The following COL18A1 variants were observed in gnomAD, a reference collection of about 807,000 sequenced individuals.
COL18A1 encodes collagen alpha-1(XVIII) chain.
COL18A1 carries 133 observed loss-of-function variants against 168.0 expected under a neutral mutation model. The observed-to-expected ratio is 0.79, with a 90% CI of 0.69 to 0.91. The LOEUF (loss-of-function observed/expected upper bound fraction) is 0.91, where lower values mean the gene tolerates loss of function less well. Among genes scored for constraint, COL18A1 ranks in the 40% least tolerant of loss-of-function variants. COL18A1 has a pLI of 0.00. For synonymous variants in COL18A1, 949 were observed against 809.0 expected (o/e 1.17, Z -2.94); for missense variants, 2,126 against 1,925.4 (o/e 1.10, Z -1.95).
Position 45,478,368 on chromosome 21 carries a change from C to T in COL18A1, c.1248+15C>T. 1 of 1,614,174 alleles carries T rather than the reference C, an allele frequency of 6.2e-7. No homozygotes were observed. The highest frequency in any genetic ancestry group is 8.5e-7 in the Non-Finnish European group (1 of 1,180,030). Reference sequence around the variant, plus strand: ...ACGGAAAGCCGGTGAGTCTGCTTTTCTTTCTGACCCCTGTGTTATCTGTGA... The same window carrying T: ...ACGGAAAGCCGGTGAGTCTGCTTTTTTTTCTGACCCCTGTGTTATCTGTGA... On this transcript the variant is annotated intron_variant, in intron 9 of 41. Coordinates refer to ENST00000651438, the MANE Select transcript of COL18A1 (RefSeq NM_001379500.1).
In COL18A1 at chr21:45,511,172, C is replaced by T. The variant is rs552849724; in HGVS notation, c.3755C>T (p.Pro1252Leu). The stretch of plus-strand genomic sequence containing the variant: ...TCAGGCTCTGAGGGTCCGCTGAAGC[C>T]CGGGGCACGCATCTTCTCCTTTGAC... Reference protein sequence around the residue: ...LFSGSEGPLKPGARIFSFDGK... With the variant: ...LFSGSEGPLKLGARIFSFDGK... The change falls in exon 41 of 42, where the codon CCC becomes CTC. Residue 1252 changes from proline (P) to leucine (L), a missense_variant. Physicochemically the swap from Pro to Leu is moderately conservative, Grantham distance 98. Transcript: ENST00000651438. 65 of 1,601,788 alleles carry T rather than the reference C, an allele frequency of 4.1e-5. 1 individual carries two copies. In the East Asian group the frequency reaches 1.2e-3, roughly 31 times the overall value.
chr21:45,492,978 T>C (rs2036406375), intron 24 of COL18A1, among the ~76,000 whole-genome samples, 185 bp from the exon 25 acceptor site: 1 of 151,422 alleles, frequency 6.6e-6, no homozygotes, highest in Non-Finnish European at 1.5e-5. Flanking sequence ...GGCCGGGAGG[T>C]GTCCTGGTGG....
chr21:45,470,859 C>T (rs1309356788), intron 3 of COL18A1, among the ~76,000 whole-genome samples: 3 of 152,062 alleles, frequency 2.0e-5, no homozygotes. Context: ...CCAGTGAAAC[C>T]TTGGAAGGTC....
At chr21:45,490,900 G>A in intron 21 of COL18A1, 29 bp downstream of exon 21, 2 of 1,545,946 alleles carry the variant, frequency 1.3e-6, no homozygotes, top group Non-Finnish European at 1.7e-6. Flanking sequence ...GGTGGATGGG[G>A]ATGGGGGGCG....
At chr21:45,409,931 G>A (rs1477231296) in intron 2 of COL18A1, 3 of 152,276 alleles carry the variant, frequency 2.0e-5, no homozygotes, top group Non-Finnish European at 4.4e-5. Flanking sequence ...CACAGAGAGT[G>A]AGGGAGCGGT....
chr21:45,511,090 TACACAC>T lies in COL18A1; in HGVS notation c.3694-20_3694-15del. ...CACACCCCCACACACCACACACACA[TACACAC>T]GGTTTCTCTTCCAGGACGAGCTGCT... is the stretch of plus-strand genomic sequence containing the variant. On this transcript the variant is annotated splice_polypyrimidine_tract_variant and intron_variant, in intron 40 of 41. Transcript: ENST00000651438. 1 of 1,171,658 alleles carries T rather than the reference TACACAC, an allele frequency of 8.5e-7. No homozygotes were observed. Among genetic ancestry groups the T allele is most frequent in the Non-Finnish European group, 1.2e-6 (1 of 822,852 alleles). 72.6% of individuals were successfully genotyped at this position (1,171,658 alleles called of 1,614,324 possible). A position where few individuals can be genotyped will look rare whatever the true frequency, so the allele number is the denominator to read the frequency against.
In COL18A1 at chr21:45,484,118, A is replaced by G. The variant is rs1411495418; in HGVS notation, c.1701+1297A>G. 2.9e-5 allele frequency among the ~76,000 whole-genome samples: 4 copies of G among 135,716 alleles called. 1 individual carries two copies. Among genetic ancestry groups the G allele is most frequent in the African/African-American group, 2.9e-5 (1 of 34,064 alleles). 89.0% of individuals were successfully genotyped at this position (135,716 alleles called of 152,430 possible). On this transcript the variant is annotated intron_variant, in intron 15 of 41. Coordinates refer to ENST00000651438, the MANE Select transcript of COL18A1 (RefSeq NM_001379500.1). Reference sequence around the variant, plus strand: ...ACCTCTCCAGCATATGTGCACACGCACACACACCTCTCCAGCGTATGTACA... The same window carrying G: ...ACCTCTCCAGCATATGTGCACACGCGCACACACCTCTCCAGCGTATGTACA...
At chr21:45,406,000 C>A (rs1327253712) in intron 2 of COL18A1, among the ~76,000 whole-genome samples, 1 of 152,082 alleles carries the variant, frequency 6.6e-6, no homozygotes, top group Non-Finnish European at 1.5e-5. Context: ...TGTCGGGTTG[C>A]GCGGTCCCCT....
Position 45,490,316 on chromosome 21 carries a change from C to T in COL18A1, c.2001C>T (p.Leu667=), listed in dbSNP as rs1304073582. ...ATGGAGTCCCCGGGTTCCCCGGCCTCCCTGGCAGAGAGGGCATTGCTGGGC... is the reference window on the plus strand; with the variant it reads ...ATGGAGTCCCCGGGTTCCCCGGCCTTCCTGGCAGAGAGGGCATTGCTGGGC... ...GADGVPGFPG[L]PGREGIAGPQ... is the part of the protein sequence containing the mutation. The change falls in exon 20 of 42, where the codon CTC becomes CTT. Residue 667 remains leucine (L), a synonymous_variant. Coordinates refer to ENST00000651438, the MANE Select transcript of COL18A1 (RefSeq NM_001379500.1). 1 of 1,588,644 alleles carries T rather than the reference C, an allele frequency of 6.3e-7. No individual in the cohort carries two copies. Among genetic ancestry groups the T allele is most frequent in the Admixed American group, 1.8e-5 (1 of 56,222 alleles).
chr21:45,477,500 C>G lies in COL18A1; in HGVS notation c.1005+13C>G, dbSNP rs547187467. 2 of 1,599,412 alleles carry G rather than the reference C, an allele frequency of 1.3e-6. No homozygotes were observed. Among genetic ancestry groups the G allele is most frequent in the East Asian group, 4.5e-5 (2 of 44,042 alleles). Reference sequence around the variant, plus strand: ...CCGCGTGAAAGAGGTAAGGCCACCTCCCTGTGCTCCTGAACCATTCTGAAC... The same window carrying G: ...CCGCGTGAAAGAGGTAAGGCCACCTGCCTGTGCTCCTGAACCATTCTGAAC... On this transcript the variant is annotated intron_variant, in intron 7 of 41. Transcript: ENST00000651438.
chr21:45,462,673 G>C lies in COL18A1; in HGVS notation c.107-5569G>C, dbSNP rs112321707. 3.7e-3 allele frequency among the ~76,000 whole-genome samples: 567 copies of C among 152,222 alleles called. 1 individual carries two copies. The highest frequency in any genetic ancestry group is 0.013 in the African/African-American group (550 of 41,534). ...TTCTTGACTTTCTCCACACCTTCCT[G>C]TAGTTCTTTGAGCATCTTTAAGACA... is the stretch of plus-strand genomic sequence containing the variant. On this transcript the variant is annotated intron_variant, in intron 2 of 41. Transcript: ENST00000651438.
chr21:45,455,403 G>C (rs933723179), intron 2 of COL18A1: 3 of 1,323,482 alleles, frequency 2.3e-6, no homozygotes, highest in Non-Finnish European at 3.2e-6. Context: ...AAGAGTGGGG[G>C]GTGGAAGACA....
rs2036588007 is a variant in COL18A1 at position 45,497,644 on chromosome 21, G to C, written c.2666G>C (p.Gly889Ala). 1.9e-6 allele frequency: 3 copies of C among 1,568,382 alleles called. No homozygotes were observed. Among genetic ancestry groups the C allele is most frequent in the African/African-American group, 2.7e-5 (2 of 73,738 alleles). ...CCCAAGGGCGCCAAAGGAGAAGTGGGCCCCCCCGGACCACCAGGTGAGCAA... is the reference window on the plus strand; with the variant it reads ...CCCAAGGGCGCCAAAGGAGAAGTGGCCCCCCCCGGACCACCAGGTGAGCAA... Reference protein sequence around the residue: ...PGPKGAKGEVGPPGPPGQFPF... With the variant: ...PGPKGAKGEVAPPGPPGQFPF... Residue 889 changes from glycine to alanine, a missense_variant, in exon 32 of 42, where the codon GGC becomes GCC. By Grantham distance (60) the Gly-to-Ala change is moderately conservative. Coordinates refer to ENST00000651438, the MANE Select transcript of COL18A1 (RefSeq NM_001379500.1).
At chr21:45,492,739 A>G (rs1363264430) in intron 24 of COL18A1, 26 bp downstream of exon 24, 1 of 1,101,460 alleles carries the variant, frequency 9.1e-7, no homozygotes, top group Non-Finnish European at 1.3e-6. Context: ...CCAGAGCTGC[A>G]TGCTGCCCGG....
At chr21:45,422,499 T>C in intron 2 of COL18A1, 1 of 526,154 alleles carries the variant, frequency 1.9e-6, no homozygotes, top group South Asian at 1.4e-5. Context: ...CCGGGGCCTT[T>C]GCGTGGCTGC....
chr21:45,410,252 G>A (rs138925102), intron 2 of COL18A1, among the ~76,000 whole-genome samples: 1,665 of 78,702 alleles, frequency 0.021, 15 homozygotes, highest in Middle Eastern at 0.033. Flanking sequence ...TCGCCACCTC[G>A]GGGCTGATCC....
chr21:45,427,867 A>G (rs1168199809), intron 2 of COL18A1, among the ~76,000 whole-genome samples: 1 of 152,178 alleles, frequency 6.6e-6, no homozygotes, highest in East Asian at 1.9e-4. Flanking sequence ...CGATGAGCTC[A>G]GGCCTGACTA....
Position 45,453,787 on chromosome 21 carries a change from C to T in COL18A1, c.107-14455C>T, listed in dbSNP as rs112792831. Among the ~76,000 whole-genome samples the T allele has an allele frequency of 2.1e-3, 325 of 152,238 alleles. 1 individual carries two copies. Among genetic ancestry groups the T allele is most frequent in the African/African-American group, 7.4e-3 (307 of 41,536 alleles). On this transcript the variant is annotated intron_variant, in intron 2 of 41. Coordinates refer to ENST00000651438, the MANE Select transcript of COL18A1 (RefSeq NM_001379500.1). ...TGCCACCATCCTCCAAGTGTGGCCC[C>T]GAGGGCCGGAGCTGCTCTCCCTCCA...
At chr21:45,477,320 G>A (rs556867041) in intron 6 of COL18A1, 91 bp from the exon 7 acceptor site, 26 of 1,021,384 alleles carry the variant, frequency 2.5e-5, no homozygotes, top group African/African-American at 1.4e-4. Flanking sequence ...GACTGAAAGC[G>A]TTTGGGCTGC....
Sources: gnomAD v4.1 joint callset for allele counts (sites outside exome capture counted in the v4.1 genomes callset) on GRCh38, gnomAD v4.1.1 for gene constraint, MANE v1.5 for transcripts, NCBI Gene and HGNC (gene_info 2026-07-23, HGNC 2026-07-21) for gene names.